KCNMA1: variants seen among roughly 807,000 people sequenced by gnomAD.
KCNMA1 encodes potassium calcium-activated channel subfamily M alpha 1, also known as Calcium-activated potassium channel subunit alpha-1.
In KCNMA1, 29 loss-of-function variants were observed where a neutral mutation model predicts 140.0. That is an observed-to-expected ratio of 0.21 (90% CI 0.15 to 0.28). The LOEUF (loss-of-function observed/expected upper bound fraction) is 0.28, where lower values mean the gene tolerates loss of function less well. Ranked by LOEUF, KCNMA1 falls within the 10% of genes least tolerant of loss-of-function variation. KCNMA1 has a pLI of 1.00. For missense variants in KCNMA1, 880 were observed against 1,602.2 expected (o/e 0.55, Z 7.70); for synonymous variants, 612 against 611.9 (o/e 1.00, Z 0.00).
intron 1 of KCNMA1, among the ~76,000 whole-genome samples, chr10:77,576,237 G>A (rs868246623): frequency 4.6e-5 from 7 of 152,310 alleles, no homozygotes; most frequent in Middle Eastern, 6.8e-3. Context: ...AGCAGGTCTA[G>A]GGCCAGGCAA....
At chr10:77,001,926 A>T (rs1427924980) in intron 18 of KCNMA1, among the ~76,000 whole-genome samples, 1 of 152,224 alleles carries the variant, frequency 6.6e-6, no homozygotes, top group Non-Finnish European at 1.5e-5. Flanking sequence ...CGTAACCAAC[A>T]CTTTTCCCCT....
chr10:77,350,415 G>A (rs925160541), intron 2 of KCNMA1: 15 of 152,142 alleles, frequency 9.9e-5, no homozygotes, highest in African/African-American at 3.4e-4. Context: ...GGGCTTCCAG[G>A]TGCTCACACC....
intron 3 of KCNMA1, among the ~76,000 whole-genome samples, chr10:77,240,030 G>A (rs1208147654): frequency 1.3e-5 from 2 of 152,222 alleles, no homozygotes; most frequent in East Asian, 1.9e-4. Context: ...TACACACTTA[G>A]TATAATCAAC....
At chr10:77,625,598 G>A (rs2092384364) in intron 1 of KCNMA1, among the ~76,000 whole-genome samples, 1 of 152,134 alleles carries the variant, frequency 6.6e-6, no homozygotes, top group Non-Finnish European at 1.5e-5. Context: ...TCATGTAAGT[G>A]GAAGTTATCC....
chr10:77,102,510 C>T (rs1484541351), intron 9 of KCNMA1, among the ~76,000 whole-genome samples: 4 of 152,186 alleles, frequency 2.6e-5, no homozygotes, highest in African/African-American at 9.7e-5. Context: ...TGCCATCTCC[C>T]GATAAGTCAA....
intron 20 of KCNMA1, among the ~76,000 whole-genome samples, chr10:76,969,292 A>AGGAG (rs1555014471): frequency 1.6e-5 from 2 of 123,078 alleles, no homozygotes; most frequent in Non-Finnish European, 3.6e-5. Context: ...AAGGGAAGGA[A>AGGAG]GGAAGGAGGG....
chr10:77,282,076 C>G (rs1284685774), intron 2 of KCNMA1, among the ~76,000 whole-genome samples: 1 of 152,206 alleles, frequency 6.6e-6, no homozygotes, highest in African/African-American at 2.4e-5. Context: ...TGCCACGATC[C>G]TTAAAACATG....
At chr10:77,360,553 C>A (rs1479467520) in intron 2 of KCNMA1, among the ~76,000 whole-genome samples, 1 of 152,188 alleles carries the variant, frequency 6.6e-6, no homozygotes, top group African/African-American at 2.4e-5. Flanking sequence ...AGAGCACTCC[C>A]TCCACATGCC....
chr10:77,431,676 T>G (rs2097154161), intron 1 of KCNMA1, among the ~76,000 whole-genome samples: 1 of 114,928 alleles, frequency 8.7e-6, no homozygotes, highest in African/African-American at 3.6e-5. Flanking sequence ...AAGTCTGGTC[T>G]GTTGTAAAAA....
intron 15 of KCNMA1, among the ~76,000 whole-genome samples, chr10:77,032,555 T>C (rs2094008791): frequency 1.3e-5 from 2 of 152,040 alleles, no homozygotes; most frequent in Admixed American, 1.3e-4. Flanking sequence ...CAAAAATAAT[T>C]ACAGGGGAAT....
chr10:77,537,983 A>ACACACACACT (rs993282629), intron 1 of KCNMA1, among the ~76,000 whole-genome samples: 3 of 151,832 alleles, frequency 2.0e-5, no homozygotes, highest in Non-Finnish European at 4.4e-5. Flanking sequence ...ACACGCACAT[A>ACACACACACT]CACACACACT....
intron 1 of KCNMA1, among the ~76,000 whole-genome samples, chr10:77,510,719 G>A (rs1409997073): frequency 6.6e-6 from 1 of 151,954 alleles, no homozygotes; most frequent in Non-Finnish European, 1.5e-5. Flanking sequence ...GATCACTTGA[G>A]CCCAGGAATT....
intron 3 of KCNMA1, among the ~76,000 whole-genome samples, chr10:77,236,277 C>A (rs1272163448): frequency 6.6e-6 from 1 of 152,152 alleles, no homozygotes; most frequent in African/African-American, 2.4e-5. Flanking sequence ...CAGACTCTGG[C>A]CTATGTACTT....
chr10:77,000,857 A>AAAATATAT (rs1565460686), intron 19 of KCNMA1, among the ~76,000 whole-genome samples: 3 of 36,662 alleles, frequency 8.2e-5, no homozygotes, highest in Non-Finnish European at 1.1e-4. Context: ...GTAAAAAGAA[A>AAAATATAT]ATATATATAT....
chr10:76,986,827 A>G (rs2081386330), intron 19 of KCNMA1, among the ~76,000 whole-genome samples: 1 of 152,214 alleles, frequency 6.6e-6, no homozygotes, highest in Non-Finnish European at 1.5e-5. Context: ...GACATATGGA[A>G]GGAGAAAACA....
intron 7 of KCNMA1, among the ~76,000 whole-genome samples, 165 bp downstream of exon 7, chr10:77,112,202 G>A (rs2097342574): frequency 6.6e-6 from 1 of 152,230 alleles, no homozygotes; most frequent in Admixed American, 6.5e-5. Flanking sequence ...CTAGTTTGGG[G>A]TAAAAAGGTT....
intron 14 of KCNMA1, among the ~76,000 whole-genome samples, chr10:77,048,956 G>A (rs2095244483): frequency 6.6e-6 from 1 of 152,008 alleles, no homozygotes; most frequent in African/African-American, 2.4e-5. Context: ...AGTAGAGATG[G>A]GGTTTCACTG....
intron 2 of KCNMA1, among the ~76,000 whole-genome samples, chr10:77,351,643 C>A (rs1248451831): frequency 6.6e-6 from 1 of 152,162 alleles, no homozygotes; most frequent in Admixed American, 6.5e-5. Context: ...GAATTCAGAA[C>A]CCTAGTCTGA....
intron 1 of KCNMA1, among the ~76,000 whole-genome samples, chr10:77,417,118 A>G (rs1168714476): frequency 6.6e-6 from 1 of 151,870 alleles, no homozygotes; most frequent in Non-Finnish European, 1.5e-5. Flanking sequence ...AACCATCTTC[A>G]TCCTCCCTGA....
Sources: gnomAD v4.1 joint callset for allele counts (sites outside exome capture counted in the v4.1 genomes callset) on GRCh38, gnomAD v4.1.1 for gene constraint, MANE v1.5 for transcripts, NCBI Gene and HGNC (gene_info 2026-07-23, HGNC 2026-07-21) for gene names.